The following GRIN2A variants were observed in gnomAD, a reference collection of about 807,000 sequenced individuals.
GRIN2A encodes glutamate ionotropic receptor NMDA type subunit 2A.
In GRIN2A, 22 loss-of-function variants were observed where a neutral mutation model predicts 113.4. The ratio of observed to expected loss-of-function variants is 0.19; its 90% confidence interval spans 0.14 to 0.28. GRIN2A has a LOEUF of 0.28. Ranked by LOEUF, GRIN2A falls within the 10% of genes least tolerant of loss-of-function variation. GRIN2A has a pLI of 1.00. For synonymous variants in GRIN2A, 827 were observed against 738.4 expected, an observed-to-expected ratio of 1.12 and a Z score of -1.94; for missense variants, 1,502 against 1,887.0, an observed-to-expected ratio of 0.80 and a Z score of 3.78.
At chr16:10,078,439 G>C (rs968289912) in intron 2 of GRIN2A, among the ~76,000 whole-genome samples, 1 of 151,538 alleles carries the variant, frequency 6.6e-6, no homozygotes, top group Non-Finnish European at 1.5e-5. Flanking sequence ...TTTCCAGCAT[G>C]TCCTTGTGGC....
At chr16:9,913,702 A>C (rs2044188232) in intron 3 of GRIN2A, among the ~76,000 whole-genome samples, 1 of 152,122 alleles carries the variant, frequency 6.6e-6, no homozygotes, top group African/African-American at 2.4e-5. Flanking sequence ...TCTACGCTTC[A>C]TTTACACTTC....
chr16:10,154,837 G>A (rs11074613), intron 2 of GRIN2A, among the ~76,000 whole-genome samples: 45,087 of 152,060 alleles, frequency 0.3, 7,314 homozygotes, highest in East Asian at 0.55. Flanking sequence ...GGCACATTTA[G>A]AGCAATGTGG....
At chr16:10,027,495 GGT>G (rs2046846469) in intron 2 of GRIN2A, 1 of 152,224 alleles carries the variant, frequency 6.6e-6, no homozygotes, top group Non-Finnish European at 1.5e-5. Context: ...GAGTGAGGTT[GGT>G]GTGTCTCTCA....
intron 3 of GRIN2A, among the ~76,000 whole-genome samples, chr16:9,913,763 T>G (rs2044189031): frequency 6.6e-6 from 1 of 151,330 alleles, no homozygotes; most frequent in Admixed American, 6.6e-5. Context: ...TAGGTCCAAC[T>G]TTTTTTTTAG....
chr16:9,932,924 C>T (rs9936383), intron 3 of GRIN2A, among the ~76,000 whole-genome samples: 1,866 of 152,250 alleles, frequency 0.012, 40 homozygotes, highest in African/African-American at 0.043. Flanking sequence ...CACTGCCTCC[C>T]AGGGGGCCCT....
chr16:9,967,661 G>A (rs28412568), intron 2 of GRIN2A, among the ~76,000 whole-genome samples: 1,703 of 152,162 alleles, frequency 0.011, 25 homozygotes, highest in African/African-American at 0.039. Context: ...AGCCAAGATC[G>A]CACCATTGCA....
chr16:10,042,516 C>G (rs938858236), intron 2 of GRIN2A, among the ~76,000 whole-genome samples: 5 of 152,164 alleles, frequency 3.3e-5, no homozygotes, highest in Non-Finnish European at 7.3e-5. Context: ...ATGTACTGAC[C>G]ACAGCCTCAC....
chr16:10,016,196 A>C (rs368279709), intron 2 of GRIN2A, among the ~76,000 whole-genome samples: 91 of 151,528 alleles, frequency 6.0e-4, no homozygotes, highest in African/African-American at 2.1e-3. Context: ...AGGCGCAGAG[A>C]AGAGGCCCCC....
chr16:10,111,834 G>C (rs34393853), intron 2 of GRIN2A: 590,587 of 1,188,676 alleles, frequency 0.5, 146,994 homozygotes, highest in Non-Finnish European at 0.51. Context: ...GCACCATGGG[G>C]AGCAAGTTGG....
chr16:9,775,167 A>G (rs1901520848), intron 11 of GRIN2A, among the ~76,000 whole-genome samples: 1 of 152,120 alleles, frequency 6.6e-6, no homozygotes, highest in Admixed American at 6.5e-5. Context: ...GCTGAAACAT[A>G]TCTTCTAAAA....
intron 2 of GRIN2A, among the ~76,000 whole-genome samples, chr16:10,029,856 G>A (rs985323375): frequency 4.1e-4 from 63 of 152,188 alleles, no homozygotes; most frequent in African/African-American, 1.5e-3. Flanking sequence ...AATTAGCCAG[G>A]TGTGGTGCTG....
rs536398691 is a variant in GRIN2A, at chr16:9,972,137, G to C, written c.415-33586C>G. On this transcript the variant is annotated intron_variant, in intron 2 of 12. Transcript: ENST00000330684. ...CTGCCCAAGCCTCTGGCCAGTCCTT[G>C]AACAAAGGGTGAGTAGACAAGGCTC... Among the ~76,000 whole-genome samples the C allele has an allele frequency of 5.9e-5, 9 of 152,304 alleles. No homozygotes were observed. The South Asian group carries it at 1.9e-3, about 32-fold the overall frequency.
At chr16:9,928,604 G>C (rs2044520129) in intron 3 of GRIN2A, among the ~76,000 whole-genome samples, 1 of 151,846 alleles carries the variant, frequency 6.6e-6, no homozygotes, top group Admixed American at 6.6e-5. Flanking sequence ...CAGATCCAAA[G>C]TTCCATCACT....
At chr16:9,813,584 C>G (rs1017940382) in intron 10 of GRIN2A, among the ~76,000 whole-genome samples, 3 of 149,636 alleles carry the variant, frequency 2.0e-5, no homozygotes, top group Non-Finnish European at 4.4e-5. Context: ...ACTCCTGCCC[C>G]CCACAGACAT....
intron 2 of GRIN2A, among the ~76,000 whole-genome samples, chr16:10,100,819 G>T (rs2048379675): frequency 6.6e-6 from 1 of 152,238 alleles, no homozygotes; most frequent in Non-Finnish European, 1.5e-5. Context: ...GAATGGCCCA[G>T]ATGGTGGCAC....
rs146121022 is a variant in GRIN2A at position 10,046,440 on chromosome 16, C to T, written c.415-107889G>A. On this transcript the variant is annotated intron_variant, in intron 2 of 12. Transcript: ENST00000330684. ...TAAATGAAATTCATTTCATTACTGA[C>T]GGCATAAATTTGAGTTGGGGTTTTG... 1.8e-3 allele frequency among the ~76,000 whole-genome samples: 281 copies of T among 151,918 alleles called. 2 individuals carry two copies. Among genetic ancestry groups the T allele is most frequent in the African/African-American group, 6.4e-3 (264 of 41,396 alleles).
intron 4 of GRIN2A, among the ~76,000 whole-genome samples, chr16:9,874,339 A>C (rs1380654040): frequency 1.3e-5 from 2 of 152,250 alleles, no homozygotes; most frequent in Non-Finnish European, 2.9e-5. Flanking sequence ...TTACAGCTTC[A>C]GATGTGCAGA....
chr16:10,132,947 T>A (rs768539572), intron 2 of GRIN2A, among the ~76,000 whole-genome samples: 4 of 152,172 alleles, frequency 2.6e-5, no homozygotes, highest in Non-Finnish European at 5.9e-5. Context: ...TTTCTTACCT[T>A]TTCCAGTTTG....
intron 2 of GRIN2A, among the ~76,000 whole-genome samples, chr16:10,059,900 T>G (rs1408709752): frequency 2.0e-5 from 3 of 151,802 alleles, no homozygotes; most frequent in Non-Finnish European, 4.4e-5. Context: ...AGGAAATTGG[T>G]TACATAGGAG....
Sources: allele counts gnomAD v4.1 joint callset (sites outside exome capture counted in the v4.1 genomes callset), GRCh38; gene constraint gnomAD v4.1.1; transcripts MANE v1.5; gene names NCBI Gene and HGNC (gene_info 2026-07-23, HGNC 2026-07-21).